DNAJC6: variants seen among roughly 807,000 people sequenced by gnomAD.
DNAJC6 encodes the protein auxilin.
In DNAJC6, 34 loss-of-function variants were observed where a neutral mutation model predicts 110.0. The observed-to-expected ratio is 0.31, with a 90% CI of 0.24 to 0.41. The LOEUF (loss-of-function observed/expected upper bound fraction) is 0.41. DNAJC6 is among the 10% of genes least tolerant of loss of function. DNAJC6 has a pLI of 1.00. For missense variants in DNAJC6, 1,031 were observed against 1,207.8 expected (o/e 0.85, Z 2.17); for synonymous variants, 406 against 437.2 (o/e 0.93, Z 0.89).
chr1:65,398,608 A>G (rs1408205706), intron 13 of DNAJC6, among the ~76,000 whole-genome samples: 1 of 152,228 alleles, frequency 6.6e-6, no homozygotes, highest in East Asian at 1.9e-4. Flanking sequence ...GTTTCTGTCA[A>G]GCCTCATGTG....
chr1:65,283,696 G>T (rs1433966640), intron 1 of DNAJC6, among the ~76,000 whole-genome samples: 1 of 152,130 alleles, frequency 6.6e-6, no homozygotes, highest in Non-Finnish European at 1.5e-5. Context: ...GGATTGTATG[G>T]TAAGTCCATT....
At chr1:65,412,797 A>T in intron 18 of DNAJC6, 127 bp from the exon 19 acceptor site, 1 of 822,662 alleles carries the variant, frequency 1.2e-6, no homozygotes, top group Non-Finnish European at 1.9e-6. Flanking sequence ...GATTAGGCTG[A>T]AAAGGAGAAA....
At chr1:65,302,099 TAATATATAA>T (rs1644986275) in intron 1 of DNAJC6, among the ~76,000 whole-genome samples, 1 of 29,988 alleles carries the variant, frequency 3.3e-5, no homozygotes, top group African/African-American at 4.8e-4. Context: ...ATTATATATA[TAATATATAA>T]TATATATATA....
intron 1 of DNAJC6, among the ~76,000 whole-genome samples, chr1:65,269,819 A>G (rs1338791360): frequency 1.3e-5 from 2 of 152,164 alleles, no homozygotes; most frequent in Non-Finnish European, 2.9e-5. Context: ...ATCTGCAGGT[A>G]TGTTATTTGA....
chr1:65,284,386 T>C (rs1653946873), intron 1 of DNAJC6, among the ~76,000 whole-genome samples: 1 of 152,174 alleles, frequency 6.6e-6, no homozygotes, highest in African/African-American at 2.4e-5. Context: ...CTCCCCAGGG[T>C]AGGGATTTAT....
chr1:65,298,620 T>C (rs1644949100), intron 1 of DNAJC6: 4 of 152,124 alleles, frequency 2.6e-5, no homozygotes, highest in Admixed American at 6.6e-5. Flanking sequence ...GTTCAAAGTG[T>C]TTGTTAATTA....
intron 1 of DNAJC6, among the ~76,000 whole-genome samples, chr1:65,290,664 TG>T (rs1644864238): frequency 6.6e-6 from 1 of 152,200 alleles, no homozygotes; most frequent in African/African-American, 2.4e-5. Context: ...ACCTTTCCTA[TG>T]GTGCTGAAGG....
chr1:65,393,335 G>A (rs542650032), intron 12 of DNAJC6, among the ~76,000 whole-genome samples: 42 of 152,272 alleles, frequency 2.8e-4, no homozygotes, highest in African/African-American at 9.4e-4. Flanking sequence ...TAAATCAGTA[G>A]CATAGGTTTA....
At chr1:65,395,960 C>T (rs867984894) in intron 13 of DNAJC6, among the ~76,000 whole-genome samples, 1 of 152,170 alleles carries the variant, frequency 6.6e-6, no homozygotes, top group African/African-American at 2.4e-5. Flanking sequence ...TTGGCCACAA[C>T]CTAGAAGGTG....
intron 8 of DNAJC6, 96 bp downstream of exon 8, chr1:65,387,025 C>G (rs1194021037): frequency 9.7e-7 from 1 of 1,035,096 alleles, no homozygotes; most frequent in Non-Finnish European, 1.5e-6. Flanking sequence ...GCTTGAGTCA[C>G]TTGTAGTTTT....
At chr1:65,371,276 A>G (rs182135775) in intron 4 of DNAJC6, among the ~76,000 whole-genome samples, 2 of 152,284 alleles carry the variant, frequency 1.3e-5, no homozygotes, top group East Asian at 3.9e-4. Flanking sequence ...CTAGGTTCAC[A>G]TCTCAGCTGT....
intron 13 of DNAJC6, among the ~76,000 whole-genome samples, chr1:65,395,656 A>G: frequency 6.6e-6 from 1 of 152,274 alleles, no homozygotes. Context: ...TATTAACATA[A>G]TATATTGAAC....
At chr1:65,381,355 C>A (rs2101592778) in intron 5 of DNAJC6, among the ~76,000 whole-genome samples, 1 of 151,980 alleles carries the variant, frequency 6.6e-6, no homozygotes, top group East Asian at 1.9e-4. Context: ...TGAGACCAGC[C>A]TGGCCAACAT....
At chr1:65,404,393 A>G (rs1458151583) in intron 15 of DNAJC6, among the ~76,000 whole-genome samples, 2 of 152,254 alleles carry the variant, frequency 1.3e-5, no homozygotes, top group Non-Finnish European at 1.5e-5. Flanking sequence ...TTGATTAAAC[A>G]GATGAAGAAA....
rs1645915082 is a variant in DNAJC6, at chr1:65,390,377, C to G, written c.1468+750C>G. On this transcript the variant is annotated intron_variant, in intron 11 of 18. Transcript: ENST00000371069. ...TACCCTGCTGCAGAGAAAGCAAACACTTGGCCTGTATATCTCTGCTCTTGC... is the reference window on the plus strand; with the variant it reads ...TACCCTGCTGCAGAGAAAGCAAACAGTTGGCCTGTATATCTCTGCTCTTGC... 3.3e-5 allele frequency among the ~76,000 whole-genome samples: 5 copies of G among 152,232 alleles called. 1 individual carries two copies. The South Asian group carries it at 1.0e-3, about 31-fold the overall frequency.
intron 1 of DNAJC6, among the ~76,000 whole-genome samples, chr1:65,311,020 G>C (rs562438197): frequency 2.6e-5 from 4 of 152,038 alleles, no homozygotes; most frequent in Admixed American, 1.3e-4. Context: ...GCTGTCCTTG[G>C]GCTATTATTT....
chr1:65,387,613 A>C (rs1645885369), intron 8 of DNAJC6, among the ~76,000 whole-genome samples: 1 of 152,208 alleles, frequency 6.6e-6, no homozygotes, highest in Non-Finnish European at 1.5e-5. Flanking sequence ...GTGTTATAGC[A>C]TGTGTCAGTA....
chr1:65,366,919 A>G (rs1645652318), intron 4 of DNAJC6, among the ~76,000 whole-genome samples: 1 of 152,152 alleles, frequency 6.6e-6, no homozygotes, highest in Non-Finnish European at 1.5e-5. Flanking sequence ...CAAATGTGTA[A>G]AATGATAGCT....
Position 65,401,265 on chromosome 1 carries a change from T to A in DNAJC6, c.2108-496T>A, listed in dbSNP as rs190583790. The stretch of plus-strand genomic sequence containing the variant: ...CCTGTTGCCTTCTTATTCTGTTGAT[T>A]GTTACCTTCCCTGAACAGCAGTTTT... On this transcript the variant is annotated intron_variant, in intron 14 of 18. Transcript: ENST00000371069. 1.2e-4 allele frequency among the ~76,000 whole-genome samples: 19 copies of A among 152,342 alleles called. 1 individual carries two copies. Among genetic ancestry groups the A allele is most frequent in the Admixed American group, 1.2e-3 (19 of 15,306 alleles).
Sources: allele counts gnomAD v4.1 joint callset (sites outside exome capture counted in the v4.1 genomes callset), GRCh38; gene constraint gnomAD v4.1.1; transcripts MANE v1.5; gene names NCBI Gene and HGNC (gene_info 2026-07-23, HGNC 2026-07-21).